KTN1: variants seen among roughly 807,000 people sequenced by gnomAD.
KTN1 encodes kinectin.
KTN1 carries 130 observed loss-of-function variants against 222.5 expected under a neutral mutation model. That is an observed-to-expected ratio of 0.58 (90% confidence interval 0.51 to 0.68). The LOEUF (loss-of-function observed/expected upper bound fraction) is 0.68, where lower values mean the gene tolerates loss of function less well. Ranked by LOEUF, KTN1 falls within the 30% of genes least tolerant of loss-of-function variation. The pLI is 0.00. For synonymous variants in KTN1, 512 were observed against 496.3 expected, an observed-to-expected ratio of 1.03 and a Z score of -0.42; for missense variants, 1,508 against 1,500.4, an observed-to-expected ratio of 1.01 and a Z score of -0.08.
intron 9 of KTN1, among the ~76,000 whole-genome samples, chr14:55,635,103 A>T (rs1199654505): frequency 6.6e-6 from 1 of 152,140 alleles, no homozygotes; most frequent in Non-Finnish European, 1.5e-5. Context: ...GATGACTTAA[A>T]TGTGTATATA....
intron 41 of KTN1, among the ~76,000 whole-genome samples, chr14:55,677,691 C>A (rs961204541): frequency 2.0e-5 from 3 of 151,804 alleles, no homozygotes; most frequent in Admixed American, 6.6e-5. Flanking sequence ...TTTAACATAA[C>A]CCTTTATTTT....
At chr14:55,670,335 A>T (rs907750350) in intron 34 of KTN1, among the ~76,000 whole-genome samples, 5 of 152,002 alleles carry the variant, frequency 3.3e-5, no homozygotes, top group Non-Finnish European at 7.4e-5. Context: ...TTGAGAACTG[A>T]TTTACCTGGA....
Position 55,593,436 on chromosome 14 carries a change from A to ACCC in KTN1, c.-31+13090_-31+13092dup, listed in dbSNP as rs59170918. ...ATTTACTAATTGATCAGAAATAGAC[A>ACCC]CCCCCCCCCCAAAAAAAAAAAAAGA... On this transcript the variant is annotated intron_variant, in intron 1 of 43. Transcript: ENST00000395314. Among the ~76,000 whole-genome samples the ACCC allele has an allele frequency of 6.0e-3, 539 of 89,436 alleles. 3 individuals carry two copies. The highest frequency in any genetic ancestry group is 8.0e-3 in the Non-Finnish European group (361 of 45,178). The allele number at this position is 89,436 out of a possible 152,430, so 58.7% of individuals were successfully genotyped here.
At chr14:55,617,266 A>G (rs1188377423) in intron 3 of KTN1, among the ~76,000 whole-genome samples, 1 of 152,230 alleles carries the variant, frequency 6.6e-6, no homozygotes, top group African/African-American at 2.4e-5. Flanking sequence ...AGAGACATAT[A>G]TAAGTAAAGA....
At chr14:55,633,669 T>C (rs1418649165) in intron 8 of KTN1, among the ~76,000 whole-genome samples, 2 of 152,042 alleles carry the variant, frequency 1.3e-5, no homozygotes, top group Non-Finnish European at 2.9e-5. Context: ...AATGGAATGG[T>C]CTACAAGCTT....
intron 34 of KTN1, chr14:55,668,388 G>A (rs1257443597): frequency 6.6e-6 from 1 of 151,884 alleles, no homozygotes; most frequent in Non-Finnish European, 1.5e-5. Flanking sequence ...ACAAAACTTA[G>A]TGGTTTCCTA....
At chr14:55,589,049 G>A (rs1329249109) in intron 1 of KTN1, among the ~76,000 whole-genome samples, 1 of 152,098 alleles carries the variant, frequency 6.6e-6, no homozygotes, top group African/African-American at 2.4e-5. Context: ...ATACATTCAA[G>A]ATTAGCCTTG....
At chr14:55,591,909 T>G (rs2034222957) in intron 1 of KTN1, among the ~76,000 whole-genome samples, 1 of 152,216 alleles carries the variant, frequency 6.6e-6, no homozygotes, top group South Asian at 2.1e-4. Flanking sequence ...AAACATATTT[T>G]CAGAGTTTGC....
intron 9 of KTN1, 98 bp downstream of exon 9, chr14:55,634,756 T>A: frequency 9.8e-7 from 1 of 1,022,958 alleles, no homozygotes; most frequent in South Asian, 2.1e-5. Context: ...ACTGGGTAAA[T>A]TTTTAAGGAA....
At chr14:55,649,434 A>C (rs2042718263) in intron 21 of KTN1, among the ~76,000 whole-genome samples, 1 of 152,210 alleles carries the variant, frequency 6.6e-6, no homozygotes, top group Non-Finnish European at 1.5e-5. Context: ...AAAGGTTCTA[A>C]GTATACAAAT....
chr14:55,664,986 C>T (rs1175119350), intron 33 of KTN1, among the ~76,000 whole-genome samples: 1 of 139,946 alleles, frequency 7.1e-6, no homozygotes, highest in Admixed American at 7.0e-5. Flanking sequence ...TAAAATAGTT[C>T]TGTAAATTTT....
chr14:55,638,821 C>A (rs2041433588), intron 12 of KTN1, among the ~76,000 whole-genome samples: 1 of 151,694 alleles, frequency 6.6e-6, no homozygotes, highest in Non-Finnish European at 1.5e-5. Flanking sequence ...CTATATTAGT[C>A]ATGGAATGGA....
intron 6 of KTN1, among the ~76,000 whole-genome samples, chr14:55,628,840 A>G (rs1387924384): frequency 2.0e-5 from 3 of 152,230 alleles, no homozygotes; most frequent in African/African-American, 7.2e-5. Context: ...TAGGATAACT[A>G]ATTTGATAAT....
intron 41 of KTN1, 98 bp downstream of exon 41, chr14:55,676,016 G>T: frequency 1.3e-6 from 1 of 759,552 alleles, no homozygotes; most frequent in Non-Finnish European, 2.2e-6. Flanking sequence ...TTGTTGTTTT[G>T]CATCATAATA....
At chr14:55,585,153 AAAAT>A (rs1254739459) in intron 1 of KTN1, among the ~76,000 whole-genome samples, 1 of 151,664 alleles carries the variant, frequency 6.6e-6, no homozygotes, top group East Asian at 1.9e-4. Context: ...AAAAAAAAAA[AAAAT>A]CTCACATTCC....
At chr14:55,673,990 C>T (rs1292234091) in intron 40 of KTN1, 2 of 151,912 alleles carry the variant, frequency 1.3e-5, no homozygotes, top group Non-Finnish European at 2.9e-5. Context: ...TGTTACAGCA[C>T]AGGGATTAGA....
rs769391331 is a variant in KTN1 at position 55,627,950 on chromosome 14, T to A, written c.1002T>A (p.Leu334=). The change falls in exon 6 of 44, where the codon CTT becomes CTA. Residue 334 remains leucine (L), a synonymous_variant. Coordinates refer to ENST00000395314, the MANE Select transcript of KTN1 (RefSeq NM_001079521.2). ...AATTGACTACGCTTATACATCAGCT[T>A]CAAGAAAAGGACAAGTTACTCGCTG... ...KGELTTLIHQ[L]QEKDKLLAAV... 1.2e-6 allele frequency: 2 copies of A among 1,613,746 alleles called. No homozygotes were observed. The highest frequency in any genetic ancestry group is 1.7e-6 in the Non-Finnish European group (2 of 1,179,684).
chr14:55,609,180 G>A (rs1454382657), intron 1 of KTN1, among the ~76,000 whole-genome samples: 1 of 152,110 alleles, frequency 6.6e-6, no homozygotes, highest in African/African-American at 2.4e-5. Flanking sequence ...GCCCTGGTGT[G>A]TGTTGTTCCC....
At position 55,594,189 on chromosome 14, in the gene KTN1, A is replaced by C. The variant is rs184529034; in HGVS notation, c.-31+13835A>C. ...ATTGGAAGTCGTTATCTTCATTTCT[A>C]CCTATCTTAGGCTTACTTGTTTTTT... On this transcript the variant is annotated intron_variant, in intron 1 of 43. Transcript: ENST00000395314. Among the ~76,000 whole-genome samples, 105 of 151,674 alleles carry C rather than the reference A, an allele frequency of 6.9e-4. 1 individual carries two copies. The highest frequency in any genetic ancestry group is 1.0e-3 in the Non-Finnish European group (71 of 67,808).
Sources: allele counts gnomAD v4.1 joint callset (sites outside exome capture counted in the v4.1 genomes callset), GRCh38; gene constraint gnomAD v4.1.1; transcripts MANE v1.5; gene names NCBI Gene and HGNC (gene_info 2026-07-23, HGNC 2026-07-21).